Variants in NRXN3 observed in about 807,000 individuals in gnomAD.
NRXN3 encodes the protein neurexin III.
In NRXN3, 32 loss-of-function variants were observed where a neutral mutation model predicts 137.6. The ratio of observed to expected loss-of-function variants is 0.23; its 90% CI spans 0.18 to 0.31. The LOEUF is 0.31. Among genes scored for constraint, NRXN3 ranks in the 10% least tolerant of loss-of-function variants. The pLI is 1.00. For synonymous variants in NRXN3, 798 were observed against 784.5 expected (o/e 1.02, Z -0.29); for missense variants, 1,574 against 2,062.5 (o/e 0.76, Z 4.59).
intron 15 of NRXN3, among the ~76,000 whole-genome samples, chr14:79,453,769 C>G (rs1193219389): frequency 6.6e-6 from 1 of 152,196 alleles, no homozygotes; most frequent in Non-Finnish European, 1.5e-5. Context: ...TTTGAAAACT[C>G]TGAACCAACC....
chr14:78,717,083 T>A (rs1215348191), intron 8 of NRXN3, among the ~76,000 whole-genome samples: 4 of 152,188 alleles, frequency 2.6e-5, no homozygotes, highest in Admixed American at 6.5e-5. Context: ...GTTGCAGATC[T>A]TCTGTTGTCT....
chr14:78,554,973 G>A (rs1318112340), intron 4 of NRXN3, among the ~76,000 whole-genome samples: 2 of 152,018 alleles, frequency 1.3e-5, no homozygotes, highest in Admixed American at 6.6e-5. Flanking sequence ...TAGAACAGTC[G>A]AGAGCATGGG....
chr14:79,015,899 C>T (rs377050934), intron 15 of NRXN3, among the ~76,000 whole-genome samples: 7 of 152,090 alleles, frequency 4.6e-5, no homozygotes, highest in East Asian at 3.9e-4. Context: ...TTATCTAGTA[C>T]GATTGGCTGC....
rs367778931 is a variant in NRXN3, at chr14:79,702,748, C to T, written c.4014+4811C>T. Among the ~76,000 whole-genome samples, 19 of 152,130 alleles carry T rather than the reference C, an allele frequency of 1.2e-4. No homozygotes were observed. In the East Asian group the frequency reaches 2.1e-3, roughly 17 times the overall value. On this transcript the variant is annotated intron_variant, in intron 19 of 20. Transcript: ENST00000335750. ...GAATGCCCCAATAATTGCACAAACA[C>T]TTCCTCTACAACTGACTCCAATATT...
chr14:78,886,779 G>A (rs2099145011), intron 10 of NRXN3, among the ~76,000 whole-genome samples: 1 of 152,088 alleles, frequency 6.6e-6, no homozygotes, highest in Non-Finnish European at 1.5e-5. Flanking sequence ...TGTGCCTTTG[G>A]GTTTAATCTG....
chr14:79,454,283 C>T (rs924316266), intron 15 of NRXN3, among the ~76,000 whole-genome samples: 1 of 152,048 alleles, frequency 6.6e-6, no homozygotes, highest in Non-Finnish European at 1.5e-5. Context: ...GGGGTTTCAC[C>T]ATGTTGGCCA....
chr14:79,778,173 T>C lies in NRXN3; in HGVS notation c.4015-26939T>C, dbSNP rs1205801049. Among the ~76,000 whole-genome samples, 4 of 152,168 alleles carry C rather than the reference T, an allele frequency of 2.6e-5. 1 individual carries two copies. Among genetic ancestry groups the C allele is most frequent in the Non-Finnish European group, 5.9e-5 (4 of 68,022 alleles). ...GGCTCACGCCTGTAATCCCAACACT[T>C]TGGGAGGCCGAGGCAGGTGGATCAC... is the stretch of plus-strand genomic sequence containing the variant. On this transcript the variant is annotated intron_variant, in intron 19 of 20. Coordinates refer to ENST00000335750, the MANE Select transcript of NRXN3 (RefSeq NM_001330195.2).
intron 4 of NRXN3, among the ~76,000 whole-genome samples, chr14:78,578,879 T>TC: frequency 6.6e-6 from 1 of 152,156 alleles, no homozygotes; most frequent in South Asian, 2.1e-4. Flanking sequence ...AGAATGAGCA[T>TC]CTACAGGCTC....
At chr14:78,553,370 C>A (rs554681413) in intron 4 of NRXN3, among the ~76,000 whole-genome samples, 80 of 152,260 alleles carry the variant, frequency 5.3e-4, no homozygotes, top group Non-Finnish European at 9.3e-4. Flanking sequence ...CTCTGTGAAG[C>A]ACCTGAGCCC....
chr14:78,636,953 T>G, intron 4 of NRXN3, among the ~76,000 whole-genome samples: 1 of 152,158 alleles, frequency 6.6e-6, no homozygotes, highest in East Asian at 1.9e-4. Flanking sequence ...TGGCAAACAA[T>G]TGGCTCATGT....
intron 15 of NRXN3, among the ~76,000 whole-genome samples, chr14:79,381,239 C>A (rs1176159262): frequency 2.0e-5 from 3 of 150,640 alleles, no homozygotes. Flanking sequence ...AATAGAATCC[C>A]TTCAGAATTC....
intron 4 of NRXN3, among the ~76,000 whole-genome samples, chr14:78,520,542 G>A (rs992282282): frequency 6.6e-5 from 10 of 152,176 alleles, no homozygotes; most frequent in African/African-American, 2.4e-4. Context: ...GATAAAGTTG[G>A]TGGAATAGAG....
chr14:78,945,110 G>T (rs1338066309), intron 10 of NRXN3, among the ~76,000 whole-genome samples: 1 of 152,046 alleles, frequency 6.6e-6, no homozygotes, highest in Admixed American at 6.6e-5. Context: ...ACAAACAGAA[G>T]TATTTATTTT....
chr14:79,188,437 T>C (rs943332278), intron 15 of NRXN3, among the ~76,000 whole-genome samples: 1 of 151,980 alleles, frequency 6.6e-6, no homozygotes, highest in Non-Finnish European at 1.5e-5. Context: ...AAATCTCTAA[T>C]AGGTATCTTT....
At chr14:78,584,395 C>T (rs1015945047) in intron 4 of NRXN3, among the ~76,000 whole-genome samples, 3 of 152,140 alleles carry the variant, frequency 2.0e-5, no homozygotes, top group Non-Finnish European at 4.4e-5. Context: ...AAAGGCTGAA[C>T]GTCATTGTTC....
At chr14:79,623,788 G>C (rs1316509310) in intron 16 of NRXN3, among the ~76,000 whole-genome samples, 1 of 146,342 alleles carries the variant, frequency 6.8e-6, no homozygotes, top group African/African-American at 2.6e-5. Context: ...GTTTCACTTA[G>C]AATTTACATT....
intron 19 of NRXN3, among the ~76,000 whole-genome samples, chr14:79,770,029 G>C (rs1053807985): frequency 2.0e-5 from 3 of 151,690 alleles, no homozygotes; most frequent in African/African-American, 7.3e-5. Context: ...GACAAAGAAG[G>C]CCATTACATA....
chr14:79,859,848 C>T (rs560869533), intron 20 of NRXN3, among the ~76,000 whole-genome samples: 43 of 152,238 alleles, frequency 2.8e-4, no homozygotes, highest in Non-Finnish European at 5.1e-4. Flanking sequence ...CGCAGCATCC[C>T]TGCGAGTGGA....
intron 15 of NRXN3, among the ~76,000 whole-genome samples, chr14:79,197,431 G>A (rs919765460): frequency 2.0e-5 from 3 of 152,092 alleles, no homozygotes; most frequent in Non-Finnish European, 2.9e-5. Context: ...TGCTTACCCC[G>A]AACAAGAGTC....
Sources: allele counts gnomAD v4.1 joint callset (sites outside exome capture counted in the v4.1 genomes callset), GRCh38; gene constraint gnomAD v4.1.1; transcripts MANE v1.5; gene names NCBI Gene and HGNC (gene_info 2026-07-23, HGNC 2026-07-21).